KIF26A: variants seen among roughly 807,000 people sequenced by gnomAD.
The protein encoded by KIF26A is kinesin family member 26A, also known as kinesin-like protein KIF26A.
In KIF26A, 74 loss-of-function variants were observed where a neutral mutation model predicts 126.0. The observed-to-expected ratio is 0.59, with a 90% CI of 0.49 to 0.71. KIF26A has a LOEUF of 0.71. Ranked by LOEUF, KIF26A falls within the 30% of genes least tolerant of loss-of-function variation. KIF26A has a pLI of 0.00. For synonymous variants in KIF26A, 1,445 were observed against 1,232.7 expected (o/e 1.17, Z -3.61); for missense variants, 2,984 against 2,763.3 (o/e 1.08, Z -1.79).
chr14:104,172,542 C>T lies in KIF26A; in HGVS notation c.1327-33C>T, dbSNP rs1055551869. The T allele has an allele frequency of 9.0e-6, 14 of 1,549,556 alleles. 1 individual carries two copies. The South Asian group carries it at 1.2e-4, about 14-fold the overall frequency. ...CCACAGACGTGGCAGAAGGAAGGGG[C>T]CACAGCCCTGCCTGATTCTCTTGCC... On this transcript the variant is annotated intron_variant, in intron 6 of 14. Coordinates refer to ENST00000423312, the MANE Select transcript of KIF26A (RefSeq NM_015656.2).
chr14:104,167,093 G>C, intron 5 of KIF26A, 45 bp downstream of exon 5: 1 of 1,460,894 alleles, frequency 6.8e-7, no homozygotes, highest in Non-Finnish European at 9.0e-7. Context: ...GGAGGCCAGA[G>C]GCGTCTGAGA....
At chr14:104,161,638 G>C (rs929508729) in intron 4 of KIF26A, among the ~76,000 whole-genome samples, 1 of 152,148 alleles carries the variant, frequency 6.6e-6, no homozygotes, top group African/African-American at 2.4e-5. Flanking sequence ...GTTCATCCTC[G>C]CTCACGCGTG....
At chr14:104,167,069 G>A (rs375274528) in intron 5 of KIF26A, 21 bp downstream of exon 5, 334 of 1,504,306 alleles carry the variant, frequency 2.2e-4, no homozygotes, top group Admixed American at 6.5e-4. Flanking sequence ...CCCCGAGTTC[G>A]GGGCCCTGGG....
intron 2 of KIF26A, among the ~76,000 whole-genome samples, chr14:104,146,709 G>A (rs554611809): frequency 1.9e-4 from 29 of 152,294 alleles, no homozygotes; most frequent in African/African-American, 6.7e-4. Flanking sequence ...GCATCCGGAC[G>A]GCTCCTGGGG....
In KIF26A at chr14:104,178,699, G is replaced by A. The variant is rs1489887608; in HGVS notation, c.5260G>A (p.Asp1754Asn). Residue 1754 changes from aspartate (D) to asparagine (N), a missense_variant, in exon 13 of 15, where the codon GAT (aspartate) becomes AAT (asparagine). Asp to Asn is a conservative substitution (Grantham distance 23). Transcript: ENST00000423312. ...GTTCGAGATCAAGGTGTACGAGATC[G>A]ATGACGTGGAGCGCCTTCAGCGGCC... ...EPFEIKVYEI[D>N]DVERLQRPRP... 10 of 1,563,070 alleles carry A rather than the reference G, an allele frequency of 6.4e-6. No homozygotes were observed. The highest frequency in any genetic ancestry group is 7.8e-6 in the Non-Finnish European group (9 of 1,154,176).
intron 4 of KIF26A, among the ~76,000 whole-genome samples, chr14:104,158,816 C>G (rs1049807591): frequency 1.3e-5 from 2 of 152,214 alleles, no homozygotes; most frequent in African/African-American, 4.8e-5. Flanking sequence ...GCCTTTGGTC[C>G]TGGGACCCGT....
rs1265298471 is a variant in KIF26A at position 104,152,882 on chromosome 14, G to A, written c.735+421G>A. Among the ~76,000 whole-genome samples the A allele has an allele frequency of 1.3e-5, 2 of 152,262 alleles. No homozygotes were observed. Among genetic ancestry groups the A allele is most frequent in the Middle Eastern group, 3.4e-3 (1 of 292 alleles). ...GGGGTGTGAGGCGTCCATGGACGTC[G>A]GGCGGGGGACCGGCAGTTGCAATTG... On this transcript the variant is annotated intron_variant, in intron 3 of 14. Coordinates refer to ENST00000423312, the MANE Select transcript of KIF26A (RefSeq NM_015656.2). This position sits in a 1 kb window ranked among gnomAD's most constrained non-coding sequence, Gnocchi z 5.9.
At chr14:104,150,012 T>C (rs1210933580) in intron 2 of KIF26A, among the ~76,000 whole-genome samples, 2 of 152,172 alleles carry the variant, frequency 1.3e-5, no homozygotes, top group Non-Finnish European at 2.9e-5. Flanking sequence ...CCTCAGCCTG[T>C]GCAGGGGCCA....
intron 4 of KIF26A, 149 bp downstream of exon 4, chr14:104,158,091 G>C: frequency 2.6e-6 from 2 of 767,578 alleles, no homozygotes; most frequent in Non-Finnish European, 1.9e-6. Context: ...GACCACAGCT[G>C]CTGAGCCGCT....
chr14:104,172,554 C>T, intron 6 of KIF26A, 21 bp from the exon 7 acceptor site: 3 of 1,598,448 alleles, frequency 1.9e-6, no homozygotes, highest in Non-Finnish European at 2.6e-6. Flanking sequence ...ACAGCCCTGC[C>T]TGATTCTCTT....
chr14:104,166,881 G>A lies in KIF26A; in HGVS notation c.946G>A (p.Ala316Thr), dbSNP rs746308405. ...FIRAMQKLSL[A>T]SKRKKPHPPP... ...CAGGGCTATGCAGAAGCTCAGCCTGGCCTCCAAGAGGAAGAAGCCCCACCC... is the reference window on the plus strand; with the variant it reads ...CAGGGCTATGCAGAAGCTCAGCCTGACCTCCAAGAGGAAGAAGCCCCACCC... The change falls in exon 5 of 15, where the codon GCC becomes ACC. Residue 316 changes from alanine (A) to threonine (T), a missense_variant. Coordinates refer to ENST00000423312, the MANE Select transcript of KIF26A (RefSeq NM_015656.2). 2.5e-6 allele frequency: 4 copies of A among 1,581,074 alleles called. No individual in the cohort carries two copies. The highest frequency in any genetic ancestry group is 2.7e-5 in the African/African-American group (2 of 74,088).
At chr14:104,161,723 C>T (rs1596140618) in intron 4 of KIF26A, among the ~76,000 whole-genome samples, 1 of 152,318 alleles carries the variant, frequency 6.6e-6, no homozygotes, top group Non-Finnish European at 1.5e-5. Context: ...ACTGGTGTCT[C>T]ACGGCAGGGG....
Position 104,139,098 on chromosome 14 carries a change from G to T in KIF26A, c.98G>T (p.Arg33Leu). 1 of 1,466,188 alleles carries T rather than the reference G, an allele frequency of 6.8e-7. No individual in the cohort carries two copies. Among genetic ancestry groups the T allele is most frequent in the Admixed American group, 2.7e-5 (1 of 37,336 alleles). The allele number at this position is 1,466,188 out of a possible 1,614,324, so 90.8% of individuals were successfully genotyped here. A position where few individuals can be genotyped will look rare whatever the true frequency, so the allele number is the denominator to read the frequency against. Residue 33 changes from arginine (R) to leucine (L), a missense_variant, in exon 2 of 15, where the codon CGA (arginine) becomes CTA (leucine). By Grantham distance (102) the Arg-to-Leu change is moderately radical. Coordinates refer to ENST00000423312, the MANE Select transcript of KIF26A (RefSeq NM_015656.2). ...EPPPLLEVSP[R>L]KRLPAGPDQD... ...CCGCCGCTGCTGGAGGTGTCCCCCC[G>T]AAAGAGGCTACCCGCCGGGCCCGAC...
chr14:104,152,490 T>A lies in KIF26A; in HGVS notation c.735+29T>A, dbSNP rs548306269. On this transcript the variant is annotated intron_variant, in intron 3 of 14. Coordinates refer to ENST00000423312, the MANE Select transcript of KIF26A (RefSeq NM_015656.2). The surrounding 1 kb of genome is among the most constrained non-coding windows in gnomAD (Gnocchi z 5.9). ...AGTGTCTTGCTCAGCGGATGGGAGC[T>A]GCTGGCCTCCTTGTCAGAACTGGGC... 8.3e-5 allele frequency: 125 copies of A among 1,513,676 alleles called. No individual in the cohort carries two copies. The African/African-American group carries it at 1.5e-3, about 18-fold the overall frequency. 93.8% of individuals were successfully genotyped at this position (1,513,676 alleles called of 1,614,324 possible). A position where few individuals can be genotyped will look rare whatever the true frequency, so the allele number is the denominator to read the frequency against.
Position 104,139,286 on chromosome 14 carries a change from CG to C in KIF26A, c.288+1del. 1.3e-6 allele frequency: 2 copies of C among 1,502,738 alleles called. No homozygotes were observed. The highest frequency in any genetic ancestry group is 1.8e-6 in the Non-Finnish European group (2 of 1,125,128). 93.1% of individuals were successfully genotyped at this position (1,502,738 alleles called of 1,614,324 possible). On this transcript the variant is annotated frameshift_variant and splice_region_variant, in exon 2 of 15. Transcript: ENST00000423312. LOFTEE classifies it high-confidence loss of function. ...KLVSGPGTTL[R>X]DPCLSALLLD... The stretch of plus-strand genomic sequence containing the variant: ...GGTCAGCGGGCCCGGGACCACCCTC[CG>C]GGTAAGTGACACTTCCTTAGGCCGA...
chr14:104,173,732 C>T lies in KIF26A; in HGVS notation c.1894C>T (p.Leu632Phe), dbSNP rs1174897052. 8 of 1,611,228 alleles carry T rather than the reference C, an allele frequency of 5.0e-6. No homozygotes were observed. The highest frequency in any genetic ancestry group is 6.8e-6 in the Non-Finnish European group (8 of 1,179,552). The change falls in exon 10 of 15, where the codon CTC (leucine) becomes TTC (phenylalanine). Residue 632 changes from leucine (L) to phenylalanine (F), a missense_variant. Physicochemically the swap from Leu to Phe is conservative, Grantham distance 22 (BLOSUM62 0). Transcript: ENST00000423312. ...GMSGGRSRLH[L>F]IDLGSCEAAA... ...GTCCGGAGGCCGCAGCCGCCTGCAC[C>T]TCATCGACCTGGGCAGCTGTGAGGC...
chr14:104,177,983 G>T, intron 12 of KIF26A, 85 bp downstream of exon 12: 1 of 1,346,272 alleles, frequency 7.4e-7, no homozygotes, highest in Non-Finnish European at 9.7e-7. Flanking sequence ...TACAGGGCCA[G>T]GAGATGCTGG....
Position 104,152,173 on chromosome 14 carries a change from T to C in KIF26A, c.447T>C (p.His149=), listed in dbSNP as rs1689374517. 7 of 1,609,242 alleles carry C rather than the reference T, an allele frequency of 4.3e-6. No homozygotes were observed. Among genetic ancestry groups the C allele is most frequent in the African/African-American group, 1.3e-5 (1 of 74,922 alleles). Residue 149 remains histidine, a synonymous_variant, in exon 3 of 15, where the codon CAT becomes CAC. Transcript: ENST00000423312. This position sits in a 1 kb window ranked among gnomAD's most constrained non-coding sequence, Gnocchi z 5.9. ...ACCTGCTGCAGGCCCCTGCCAGCCA[T>C]GAGGACCTTGACGCCCCCCATGGAG... ...AMHLLQAPAS[H]EDLDAPHGGP... is the part of the protein sequence containing the mutation.
At chr14:104,150,203 A>ATCCCCCTCCCCCG (rs1566855609) in intron 2 of KIF26A, among the ~76,000 whole-genome samples, 1 of 22,788 alleles carries the variant, frequency 4.4e-5, no homozygotes, top group Non-Finnish European at 9.3e-5. Context: ...CCCCTCCCCC[A>ATCCCCCTCCCCCG]CCCCCTCCTC....
Sources: allele counts gnomAD v4.1 joint callset (sites outside exome capture counted in the v4.1 genomes callset), GRCh38; gene constraint gnomAD v4.1.1; non-coding constraint Gnocchi (gnomAD v3.1); transcripts MANE v1.5; gene names NCBI Gene and HGNC (gene_info 2026-07-23, HGNC 2026-07-21).